PDE10A: variants seen among roughly 807,000 people sequenced by gnomAD.
PDE10A encodes the protein phosphodiesterase 10A, also known as cAMP and cAMP-inhibited cGMP 3',5'-cyclic phosphodiesterase 10A.
PDE10A carries 39 observed loss-of-function variants against 97.7 expected under a neutral mutation model. The observed-to-expected ratio is 0.40, with a 90% CI of 0.31 to 0.52. The LOEUF (loss-of-function observed/expected upper bound fraction) is 0.52. PDE10A is among the 20% of genes least tolerant of loss of function. PDE10A has a pLI of 0.56. For synonymous variants in PDE10A, 371 were observed against 376.8 expected, an observed-to-expected ratio of 0.98 and a Z score of 0.18; for missense variants, 731 against 1,047.8, an observed-to-expected ratio of 0.70 and a Z score of 4.17.
chr6:165,658,145 T>C (rs1169026144), intron 1 of PDE10A, among the ~76,000 whole-genome samples: 3 of 152,192 alleles, frequency 2.0e-5, no homozygotes, highest in Non-Finnish European at 4.4e-5. Context: ...GCGAGTCTAG[T>C]GTAGTTTGTA....
At chr6:165,604,536 G>A (rs1290424849) in intron 1 of PDE10A, among the ~76,000 whole-genome samples, 1 of 126,578 alleles carries the variant, frequency 7.9e-6, no homozygotes, top group African/African-American at 2.9e-5. Flanking sequence ...AAAAAAAAAA[G>A]TGTTACTATA....
chr6:165,822,146 C>T (rs964444178), intron 1 of PDE10A, among the ~76,000 whole-genome samples: 1 of 152,184 alleles, frequency 6.6e-6, no homozygotes, highest in Non-Finnish European at 1.5e-5. Flanking sequence ...AGAAATGTGT[C>T]CTTTGGCGGT....
In PDE10A at chr6:165,589,369, T is replaced by G. The variant is rs76776859; in HGVS notation, c.866-45801A>C. Among the ~76,000 whole-genome samples the G allele has an allele frequency of 8.8e-3, 1,335 of 152,248 alleles. 20 individuals are homozygous for G. The highest frequency in any genetic ancestry group is 0.031 in the African/African-American group (1,275 of 41,576). ...AATATGAAATTTCCCCAATTTTAGT[T>G]GTTCTCTTAAAGATTTATTACTTTA... On this transcript the variant is annotated intron_variant, in intron 1 of 21. Transcript: ENST00000539869.
At chr6:165,440,100 T>A (rs565264354) in intron 5 of PDE10A, among the ~76,000 whole-genome samples, 1 of 152,328 alleles carries the variant, frequency 6.6e-6, no homozygotes, top group East Asian at 1.9e-4. Context: ...ATTATCCTTT[T>A]AGACACTAGA....
chr6:165,826,027 C>T (rs1779731644), intron 1 of PDE10A, among the ~76,000 whole-genome samples: 1 of 152,178 alleles, frequency 6.6e-6, no homozygotes, highest in South Asian at 2.1e-4. Context: ...CCTGAGACAC[C>T]CCCTGTGACC....
chr6:165,966,579 C>T (rs556995902), intron 1 of PDE10A, among the ~76,000 whole-genome samples: 2 of 152,324 alleles, frequency 1.3e-5, no homozygotes, highest in Non-Finnish European at 2.9e-5. Flanking sequence ...CAGTGAATAT[C>T]GAGTCCACTG....
At chr6:165,773,267 C>T (rs1223549041) in intron 1 of PDE10A, 1 of 152,158 alleles carries the variant, frequency 6.6e-6, no homozygotes, top group African/African-American at 2.4e-5. Context: ...TAGATGTTTC[C>T]ACATCTGAAA....
At position 165,655,760 on chromosome 6, in the gene PDE10A, C is replaced by A. The variant is rs189918759; in HGVS notation, c.865+6187G>T. On this transcript the variant is annotated intron_variant, in intron 1 of 21. Transcript: ENST00000539869. This position sits in a 1 kb window ranked among gnomAD's most constrained non-coding sequence, Gnocchi z 4.5. ...CCTCCCCAAAGCCTCTGCTTTCATG[C>A]GGAGTAAACTGCAGTTTTTTCCTCT... Among the ~76,000 whole-genome samples the A allele has an allele frequency of 1.1e-4, 16 of 152,224 alleles. No individual in the cohort carries two copies. The East Asian group carries it at 3.1e-3, about 30-fold the overall frequency.
At chr6:165,765,967 C>T (rs780494783) in intron 1 of PDE10A, among the ~76,000 whole-genome samples, 1 of 152,342 alleles carries the variant, frequency 6.6e-6, no homozygotes, top group Admixed American at 6.5e-5. Context: ...AAATCTAGTG[C>T]TTTATTTCCC....
chr6:165,665,407 C>T (rs1203517086), upstream of PDE10A, among the ~76,000 whole-genome samples: 2 of 152,126 alleles, frequency 1.3e-5, no homozygotes, highest in Non-Finnish European at 2.9e-5. Context: ...ACTGATATAT[C>T]AGAAGGAGGA....
At chr6:165,541,374 T>C (rs754849625) in intron 2 of PDE10A, among the ~76,000 whole-genome samples, 2 of 152,166 alleles carry the variant, frequency 1.3e-5, no homozygotes, top group Admixed American at 1.3e-4. Flanking sequence ...TACACACTGC[T>C]GGTCTTAACA....
In PDE10A at chr6:165,333,451, C is replaced by T. The variant is rs145798879; in HGVS notation, c.3066-324G>A. ...AGGGAAAGAGCCCTAGGGTTTACTA[C>T]TGAGGAATACGCGGGATCGTGCAAA... is the stretch of plus-strand genomic sequence containing the variant. On this transcript the variant is annotated intron_variant, in intron 21 of 21. Transcript: ENST00000539869. 1.9e-3 allele frequency among the ~76,000 whole-genome samples: 283 copies of T among 152,144 alleles called. 1 individual carries two copies. Among genetic ancestry groups the T allele is most frequent in the African/African-American group, 6.7e-3 (277 of 41,498 alleles).
chr6:165,917,822 A>G (rs986223166), intron 1 of PDE10A, among the ~76,000 whole-genome samples: 5 of 152,016 alleles, frequency 3.3e-5, no homozygotes, highest in African/African-American at 4.8e-5. Context: ...TGCATCCCAG[A>G]GCCCCTCACG....
At chr6:165,961,617 C>T (rs1784363663) in intron 1 of PDE10A, among the ~76,000 whole-genome samples, 1 of 152,224 alleles carries the variant, frequency 6.6e-6, no homozygotes, top group Non-Finnish European at 1.5e-5. Context: ...GCTTGGAAAG[C>T]TGTGCCATCA....
intron 1 of PDE10A, among the ~76,000 whole-genome samples, chr6:165,605,511 T>C (rs1169474820): frequency 6.6e-6 from 1 of 152,208 alleles, no homozygotes; most frequent in East Asian, 1.9e-4. Flanking sequence ...TGTCCTCCAA[T>C]CAGAGTTAAA....
intron 1 of PDE10A, among the ~76,000 whole-genome samples, chr6:165,763,850 G>T (rs962235196): frequency 6.6e-6 from 1 of 152,196 alleles, no homozygotes; most frequent in East Asian, 1.9e-4. Context: ...TTGCTACCTC[G>T]TATTGAATGC....
chr6:165,411,066 A>C (rs220756), intron 13 of PDE10A, among the ~76,000 whole-genome samples: 3 of 89,708 alleles, frequency 3.3e-5, no homozygotes, highest in Non-Finnish European at 6.5e-5. Flanking sequence ...CAGCCTGGGC[A>C]ACAGAGCGAG....
rs1483691448 is a variant in PDE10A, at chr6:165,530,592, A to G, written c.994+12848T>C. ...TCAGCATCATGCAACAGACCCATGT[A>G]AAACACCTGCACATGTACCCCCCCC... On this transcript the variant is annotated intron_variant, in intron 2 of 21. Coordinates refer to ENST00000539869, the MANE Select transcript of PDE10A (RefSeq NM_001385079.1). Among the ~76,000 whole-genome samples, 4 of 125,876 alleles carry G rather than the reference A, an allele frequency of 3.2e-5. No individual in the cohort carries two copies. The Admixed American group carries it at 3.7e-4, about 12-fold the overall frequency. 82.6% of individuals were successfully genotyped at this position (125,876 alleles called of 152,430 possible).
intron 1 of PDE10A, among the ~76,000 whole-genome samples, chr6:165,882,617 CA>C (rs1562780803): frequency 2.6e-5 from 4 of 152,196 alleles, no homozygotes; most frequent in Admixed American, 1.3e-4. Context: ...CGGCAACCTT[CA>C]AAAGCATACA....
Sources: gnomAD v4.1 joint callset for allele counts (sites outside exome capture counted in the v4.1 genomes callset) on GRCh38, gnomAD v4.1.1 for gene constraint, Gnocchi (gnomAD v3.1) non-coding constraint, MANE v1.5 for transcripts, NCBI Gene and HGNC (gene_info 2026-07-23, HGNC 2026-07-21) for gene names.